NRXN3: variants seen among roughly 807,000 people sequenced by gnomAD.
NRXN3 encodes the protein neurexin 3.
Under a neutral mutation model 137.6 loss-of-function variants are expected in NRXN3, and 32 were observed. That is an observed-to-expected ratio of 0.23 (90% CI 0.18 to 0.31). The LOEUF (loss-of-function observed/expected upper bound fraction) is 0.31, where lower values mean the gene tolerates loss of function less well. Among genes scored for constraint, NRXN3 ranks in the 10% least tolerant of loss-of-function variants. NRXN3 has a pLI of 1.00. For synonymous variants in NRXN3, 798 were observed against 784.5 expected (o/e 1.02, Z -0.29); for missense variants, 1,574 against 2,062.5 (o/e 0.76, Z 4.59).
At chr14:79,273,921 C>G (rs1481346989) in intron 15 of NRXN3, among the ~76,000 whole-genome samples, 1 of 151,590 alleles carries the variant, frequency 6.6e-6, no homozygotes, top group Non-Finnish European at 1.5e-5. Flanking sequence ...ATGGTGAAAC[C>G]CTGTCTCTAC....
At chr14:78,212,016 GC>G (rs1390062907) in intron 1 of NRXN3, among the ~76,000 whole-genome samples, 1 of 152,204 alleles carries the variant, frequency 6.6e-6, no homozygotes, top group Non-Finnish European at 1.5e-5. Flanking sequence ...AGCAAATGGA[GC>G]CTCCTACTTT....
At chr14:78,549,633 G>A (rs1182165669) in intron 4 of NRXN3, among the ~76,000 whole-genome samples, 1 of 152,196 alleles carries the variant, frequency 6.6e-6, no homozygotes. Context: ...AAAAATAAAT[G>A]TATGGATGAA....
intron 16 of NRXN3, among the ~76,000 whole-genome samples, chr14:79,618,897 C>T (rs221506): frequency 0.14 from 21,794 of 151,944 alleles, 2,109 homozygotes; most frequent in African/African-American, 0.27. Flanking sequence ...TAGTAATAGC[C>T]GTTCTGACTG....
intron 15 of NRXN3, among the ~76,000 whole-genome samples, chr14:79,382,289 T>C (rs188181009): frequency 1.3e-5 from 2 of 152,214 alleles, no homozygotes; most frequent in Admixed American, 1.3e-4. Flanking sequence ...AAAAGGCAGA[T>C]TTATTGGAGA....
intron 19 of NRXN3, among the ~76,000 whole-genome samples, chr14:79,773,119 C>T (rs1445912370): frequency 1.3e-5 from 2 of 152,120 alleles, no homozygotes; most frequent in Non-Finnish European, 2.9e-5. Flanking sequence ...ATTAAAAAGT[C>T]AGGAAACAAC....
At chr14:78,342,576 T>C (rs1597526773) in intron 4 of NRXN3, among the ~76,000 whole-genome samples, 1 of 152,354 alleles carries the variant, frequency 6.6e-6, no homozygotes, top group African/African-American at 2.4e-5. Flanking sequence ...AGCTAGGTAC[T>C]ATTATTTTCT....
At chr14:79,769,864 G>C (rs1272669724) in intron 19 of NRXN3, among the ~76,000 whole-genome samples, 1 of 152,136 alleles carries the variant, frequency 6.6e-6, no homozygotes, top group East Asian at 1.9e-4. Flanking sequence ...TCAGTGTGCT[G>C]TATTCAGGAA....
intron 16 of NRXN3, among the ~76,000 whole-genome samples, chr14:79,490,946 T>C (rs2096710749): frequency 6.6e-6 from 1 of 152,114 alleles, no homozygotes; most frequent in Non-Finnish European, 1.5e-5. Context: ...ACACCTACTA[T>C]GTACCCACAA....
At chr14:78,442,893 T>C (rs2094304189) in intron 4 of NRXN3, among the ~76,000 whole-genome samples, 1 of 152,232 alleles carries the variant, frequency 6.6e-6, no homozygotes. Context: ...CTTTACAACT[T>C]ACAGATTACT....
chr14:79,258,444 A>G (rs112987093), intron 15 of NRXN3, among the ~76,000 whole-genome samples: 8 of 152,218 alleles, frequency 5.3e-5, no homozygotes, highest in African/African-American at 1.9e-4. Flanking sequence ...CCCTCAAGTT[A>G]TCTGCCCATC....
chr14:79,344,447 G>A (rs146270414), intron 15 of NRXN3, among the ~76,000 whole-genome samples: 147 of 152,210 alleles, frequency 9.7e-4, no homozygotes, highest in African/African-American at 3.3e-3. Context: ...AGGAAATGTA[G>A]AACTTTTCAA....
At chr14:78,942,549 G>A (rs150606761) in intron 10 of NRXN3, among the ~76,000 whole-genome samples, 72 of 152,240 alleles carry the variant, frequency 4.7e-4, no homozygotes, top group Non-Finnish European at 8.4e-4. Context: ...TACCAGGAAC[G>A]TAGAGAAAGG....
At chr14:78,971,658 G>A (rs972459683) in intron 14 of NRXN3, among the ~76,000 whole-genome samples, 2 of 151,992 alleles carry the variant, frequency 1.3e-5, no homozygotes, top group African/African-American at 2.4e-5. Flanking sequence ...TGAGTGAGAC[G>A]GAGTTTCGCT....
Position 79,862,439 on chromosome 14 carries a change from AAAAAG to A in NRXN3, c.*480_*484del, listed in dbSNP as rs1182535139. ...GTAAAAAACAAAACTACAACAACAAAAAAAGAAAAAAGTTAAAAAAGAAAAAAACA... is the reference window on the plus strand; with the variant it reads ...GTAAAAAACAAAACTACAACAACAAAAAAAAAGTTAAAAAAGAAAAAAACA... On this transcript the variant is annotated 3_prime_UTR_variant, in exon 21 of 21. Coordinates refer to ENST00000335750, the MANE Select transcript of NRXN3 (RefSeq NM_001330195.2). 6.6e-6 allele frequency: 1 copy of A among 152,666 alleles called. No individual in the cohort carries two copies. The highest frequency in any genetic ancestry group is 1.5e-5 in the Non-Finnish European group (1 of 68,174). 9.5% of individuals were successfully genotyped at this position (152,666 alleles called of 1,614,324 possible). A position where few individuals can be genotyped will look rare whatever the true frequency, so the allele number is the denominator to read the frequency against.
intron 15 of NRXN3, among the ~76,000 whole-genome samples, chr14:79,155,841 G>A (rs1404993979): frequency 6.6e-6 from 1 of 151,706 alleles, no homozygotes; most frequent in Admixed American, 6.6e-5. Context: ...ATGATTCAGT[G>A]TATTTTTTCA....
intron 10 of NRXN3, among the ~76,000 whole-genome samples, chr14:78,944,725 C>T (rs540526198): frequency 1.3e-5 from 2 of 152,284 alleles, no homozygotes; most frequent in South Asian, 4.1e-4. Context: ...CTGCTCACAA[C>T]TTGATTTTAG....
At chr14:78,749,301 C>G (rs894833877) in intron 8 of NRXN3, among the ~76,000 whole-genome samples, 1 of 152,154 alleles carries the variant, frequency 6.6e-6, no homozygotes, top group Admixed American at 6.6e-5. Context: ...ACCAGCCAAT[C>G]GGGACTCATC....
intron 10 of NRXN3, among the ~76,000 whole-genome samples, chr14:78,925,004 A>G (rs112085490): frequency 1.9e-3 from 284 of 152,332 alleles, no homozygotes; most frequent in Admixed American, 3.9e-3. Context: ...CTTCATCTTT[A>G]TAATTCCAAT....
intron 15 of NRXN3, chr14:79,299,052 C>A (rs750817742): frequency 1.3e-5 from 2 of 152,294 alleles, no homozygotes; most frequent in Non-Finnish European, 2.9e-5. Context: ...CCACATTAAA[C>A]ATTTTTATCT....
Sources: allele counts gnomAD v4.1 joint callset (sites outside exome capture counted in the v4.1 genomes callset), GRCh38; gene constraint gnomAD v4.1.1; transcripts MANE v1.5; gene names NCBI Gene and HGNC (gene_info 2026-07-23, HGNC 2026-07-21).